GSTA2: variants seen among roughly 807,000 people sequenced by gnomAD.
The protein encoded by GSTA2 is glutathione S-transferase alpha 2.
A neutral mutation model predicts 22.4 loss-of-function variants in GSTA2; 27 were observed. The ratio of observed to expected loss-of-function variants is 1.21; its 90% confidence interval spans 0.89 to 1.67. The LOEUF (loss-of-function observed/expected upper bound fraction) is 1.67. Among genes scored for constraint, GSTA2 ranks in the 40% most tolerant of loss-of-function variants. The pLI is 0.00. For synonymous variants in GSTA2, 121 were observed against 86.8 expected, an observed-to-expected ratio of 1.39 and a Z score of -2.19; for missense variants, 302 against 260.2, an observed-to-expected ratio of 1.16 and a Z score of -1.11.
rs963387068 is a variant in GSTA2, at chr6:52,750,504, A to C, written c.*73T>G. 1 of 1,439,780 alleles carries C rather than the reference A, an allele frequency of 6.9e-7. No homozygotes were observed. The highest frequency in any genetic ancestry group is 9.7e-7 in the Non-Finnish European group (1 of 1,034,612). The allele number at this position is 1,439,780 out of a possible 1,614,324, so 89.2% of individuals were successfully genotyped here. ...TTCACAACAGGCACAATCAACACTT[A>C]GGTAAAGCACTTAATTGTTGCAAAA... On this transcript the variant is annotated 3_prime_UTR_variant, in exon 7 of 7. Coordinates refer to ENST00000493422, the MANE Select transcript of GSTA2 (RefSeq NM_000846.5).
At chr6:52,756,932 A>G (rs532615097) in intron 2 of GSTA2, among the ~76,000 whole-genome samples, 3 of 149,662 alleles carry the variant, frequency 2.0e-5, no homozygotes, top group Admixed American at 1.3e-4. Context: ...TTTAAGGAAA[A>G]CCTCTGGTTT....
chr6:52,756,153 T>A lies in GSTA2; in HGVS notation c.139+105A>T, dbSNP rs73740534. The A allele has an allele frequency of 5.5e-3, 4,048 of 738,044 alleles. 116 individuals are homozygous for A. In the African/African-American group the frequency reaches 0.06, roughly 11 times the overall value. The allele number at this position is 738,044 out of a possible 1,614,324, so 45.7% of individuals were successfully genotyped here. ...AACCACTTTCTCCCTCTGCACCATG[T>A]ACAAATACCATGCCCCACACCCATA... is the stretch of plus-strand genomic sequence containing the variant. On this transcript the variant is annotated intron_variant, in intron 3 of 6. Coordinates refer to ENST00000493422, the MANE Select transcript of GSTA2 (RefSeq NM_000846.5).
chr6:52,760,369 C>T (rs1021789110), intron 1 of GSTA2, among the ~76,000 whole-genome samples: 2 of 152,170 alleles, frequency 1.3e-5, no homozygotes, highest in Non-Finnish European at 2.9e-5. Context: ...AAGACTGAGA[C>T]ATAAGTTACC....
chr6:52,752,779 C>T, intron 5 of GSTA2, 75 bp downstream of exon 5: 19 of 1,576,430 alleles, frequency 1.2e-5, no homozygotes, highest in Non-Finnish European at 1.7e-5. Context: ...GATCAGTGCC[C>T]CAGGAATGCC....
chr6:52,751,803 T>G, intron 5 of GSTA2, 95 bp from the exon 6 acceptor site: 1 of 1,566,826 alleles, frequency 6.4e-7, no homozygotes, highest in Non-Finnish European at 8.8e-7. Flanking sequence ...TTTCCCCACC[T>G]CTGTTGCCTT....
rs536909401 is a variant in GSTA2, at chr6:52,761,415, C to T, written c.-31+2029G>A. 2.6e-5 allele frequency among the ~76,000 whole-genome samples: 4 copies of T among 152,242 alleles called. No individual in the cohort carries two copies. The East Asian group carries it at 5.8e-4, about 22-fold the overall frequency. ...GTATCTATCTCTCTGTAATCTGTCT[C>T]TTCATCATCTATTATCTATCTTGTA... On this transcript the variant is annotated intron_variant, in intron 1 of 6. Coordinates refer to ENST00000493422, the MANE Select transcript of GSTA2 (RefSeq NM_000846.5).
At chr6:52,759,567 T>G (rs1184472782) in intron 1 of GSTA2, among the ~76,000 whole-genome samples, 2 of 42,128 alleles carry the variant, frequency 4.7e-5, no homozygotes, top group Admixed American at 6.0e-4. Context: ...TTATTTGTTT[T>G]TTTTTTTTTT....
chr6:52,757,364 T>C (rs1171242744), intron 2 of GSTA2, among the ~76,000 whole-genome samples: 1 of 138,568 alleles, frequency 7.2e-6, no homozygotes, highest in Non-Finnish European at 1.5e-5. Context: ...AAAACCAATA[T>C]GGTTTCATCT....
At chr6:52,754,662 C>T (rs1762807204) in intron 4 of GSTA2, among the ~76,000 whole-genome samples, 1 of 152,130 alleles carries the variant, frequency 6.6e-6, no homozygotes, top group Non-Finnish European at 1.5e-5. Flanking sequence ...ACATGATTCC[C>T]CATCCTCCTC....
Position 52,754,981 on chromosome 6 carries a change from T to C in GSTA2, c.234A>G (p.Lys78=). 1 of 1,614,114 alleles carries C rather than the reference T, an allele frequency of 6.2e-7. No homozygotes were observed. Among genetic ancestry groups the C allele is most frequent in the Non-Finnish European group, 8.5e-7 (1 of 1,179,996 alleles). ...TRAILNYIAS[K]YNLYGKDIKE... The stretch of plus-strand genomic sequence containing the variant: ...TTATGTCTTTCCCATAGAGGTTGTA[T>C]TTGCTGGCAATGTAGTTGAGAATGG... Residue 78 remains lysine (K), a synonymous_variant, in exon 4 of 7, where the codon AAA becomes AAG. Coordinates refer to ENST00000493422, the MANE Select transcript of GSTA2 (RefSeq NM_000846.5).
At position 52,752,952 on chromosome 6, in the gene GSTA2, T is replaced by A; in HGVS notation, c.316A>T (p.Ile106Phe). Residue 106 changes from isoleucine (I) to phenylalanine (F), a missense_variant, in exon 5 of 7, where the codon ATC (isoleucine) becomes TTC (phenylalanine). By Grantham distance (21) the Ile-to-Phe change is conservative. Coordinates refer to ENST00000493422, the MANE Select transcript of GSTA2 (RefSeq NM_000846.5). ...GGTTGACTAAAGGGCAGAAGAAGGA[T>A]CATTTCACCCAAATCTGCTATACCT... is the stretch of plus-strand genomic sequence containing the variant. ...IEGIADLGEM[I>F]LLLPFSQPEE... The A allele has an allele frequency of 1.9e-6, 3 of 1,613,750 alleles. No homozygotes were observed. The highest frequency in any genetic ancestry group is 2.5e-6 in the Non-Finnish European group (3 of 1,179,694).
chr6:52,752,981 A>G lies in GSTA2; in HGVS notation c.287T>C (p.Ile96Thr), dbSNP rs752679873. Residue 96 changes from isoleucine (I) to threonine (T), a missense_variant, in exon 5 of 7, where the codon ATA (isoleucine) becomes ACA (threonine). By Grantham distance (89) the Ile-to-Thr change is moderately conservative (BLOSUM62 -1). Coordinates refer to ENST00000493422, the MANE Select transcript of GSTA2 (RefSeq NM_000846.5). ...TTCACCCAAATCTGCTATACCTTCT[A>G]TATACATATCAATCCTGAAAGACAA... is the stretch of plus-strand genomic sequence containing the variant. ...IKEKALIDMY[I>T]EGIADLGEMI... 32 of 1,609,778 alleles carry G rather than the reference A, an allele frequency of 2.0e-5. No homozygotes were observed. In the South Asian group the frequency reaches 3.1e-4, roughly 16 times the overall value.
chr6:52,757,856 C>T lies in GSTA2; in HGVS notation c.87+5G>A. 6.2e-7 allele frequency: 1 copy of T among 1,611,628 alleles called. No individual in the cohort carries two copies. Among genetic ancestry groups the T allele is most frequent in the African/African-American group, 1.3e-5 (1 of 74,946 alleles). Reference sequence around the variant, plus strand: ...TGACTTAAGATGACCTAACTCAGAACCTACCTCTACTCCAGCTGCAGCCAG... The same window carrying T: ...TGACTTAAGATGACCTAACTCAGAATCTACCTCTACTCCAGCTGCAGCCAG... On this transcript the variant is annotated splice_donor_5th_base_variant and intron_variant, in intron 2 of 6. Transcript: ENST00000493422.
At chr6:52,754,398 C>G (rs1230016184) in intron 4 of GSTA2, among the ~76,000 whole-genome samples, 49 of 152,246 alleles carry the variant, frequency 3.2e-4, no homozygotes, top group African/African-American at 1.0e-3. Context: ...GCTGTTTCGG[C>G]CTTCTATCCA....
At chr6:52,755,209 A>C (rs879233758) in intron 3 of GSTA2, 134 bp from the exon 4 acceptor site, 2 of 1,194,826 alleles carry the variant, frequency 1.7e-6, no homozygotes, top group Non-Finnish European at 2.3e-6. Flanking sequence ...AGTTCACTTG[A>C]AACAACTTTT....
chr6:52,753,544 C>T (rs374812186), intron 4 of GSTA2, among the ~76,000 whole-genome samples: 6 of 152,312 alleles, frequency 3.9e-5, no homozygotes, highest in South Asian at 2.1e-4. Context: ...CCATGAAAAA[C>T]GTTTCCACAG....
At chr6:52,761,112 A>G (rs2127291126) in intron 1 of GSTA2, among the ~76,000 whole-genome samples, 1 of 152,266 alleles carries the variant, frequency 6.6e-6, no homozygotes, top group South Asian at 2.1e-4. Context: ...TTCTCTTCTT[A>G]GATTAGAGAT....
intron 1 of GSTA2, among the ~76,000 whole-genome samples, chr6:52,762,084 T>C (rs1762960737): frequency 6.6e-6 from 1 of 152,194 alleles, no homozygotes. Flanking sequence ...AAGTCATCAC[T>C]ATTCAGTAAT....
At chr6:52,758,754 AT>A (rs1224627201) in intron 1 of GSTA2, among the ~76,000 whole-genome samples, 2 of 152,298 alleles carry the variant, frequency 1.3e-5, no homozygotes, top group African/African-American at 4.8e-5. Context: ...TATGGGGTGC[AT>A]TTTGTTTTAT....
Sources: allele counts gnomAD v4.1 joint callset (sites outside exome capture counted in the v4.1 genomes callset), GRCh38; gene constraint gnomAD v4.1.1; transcripts MANE v1.5; gene names NCBI Gene and HGNC (gene_info 2026-07-23, HGNC 2026-07-21).